The following COL9A2 variants were observed in gnomAD, a reference collection of about 807,000 sequenced individuals.
COL9A2 encodes the protein collagen type IX alpha 2 chain, also known as collagen alpha-2(IX) chain.
COL9A2 carries 66 observed loss-of-function variants against 111.6 expected under a neutral mutation model. That is an observed-to-expected ratio of 0.59 (90% CI 0.48 to 0.73). The LOEUF (loss-of-function observed/expected upper bound fraction) is 0.73. Among genes scored for constraint, COL9A2 ranks in the 30% least tolerant of loss-of-function variants. The pLI is 0.00. For synonymous variants in COL9A2, 353 were observed against 364.1 expected (o/e 0.97, Z 0.35); for missense variants, 881 against 954.1 (o/e 0.92, Z 1.01).
chr1:40,312,080 C>A lies in COL9A2; in HGVS notation c.396G>T (p.Glu132Asp), dbSNP rs1263798538. Reference protein sequence around the residue: ...GPPGPVGLPGEIGIRGPKGDP... With the variant: ...GPPGPVGLPGDIGIRGPKGDP... ...TCACCTTGGGGCCTCGGATTCCAAT[C>A]TCACCAGGGAGGCCAACAGGTCCAG... Residue 132 changes from glutamate (E) to aspartate (D), a missense_variant, in exon 8 of 32, where the codon GAG becomes GAT. Glu to Asp is a conservative substitution (Grantham distance 45). Transcript: ENST00000372748. This position sits in a 1 kb window ranked among gnomAD's most constrained non-coding sequence, Gnocchi z 6.0. 1.9e-6 allele frequency: 3 copies of A among 1,602,346 alleles called. No homozygotes were observed. The highest frequency in any genetic ancestry group is 1.1e-5 in the South Asian group (1 of 87,986).
In COL9A2 at chr1:40,314,256, G is replaced by A. The variant is rs748908933; in HGVS notation, c.198C>T (p.Gly66=). The change falls in exon 4 of 32, where the codon GGC becomes GGT. Residue 66 remains glycine (G), a synonymous_variant. Coordinates refer to ENST00000372748, the MANE Select transcript of COL9A2 (RefSeq NM_001852.4). The surrounding 1 kb of genome is among the most constrained non-coding windows in gnomAD (Gnocchi z 4.1). ...CATCTGGCCCAGCTTTGCCAGGCTCGCCCTTGGGTCCCTTGAAAACAGAGA... is the reference window on the plus strand; with the variant it reads ...CATCTGGCCCAGCTTTGCCAGGCTCACCCTTGGGTCCCTTGAAAACAGAGA... ...PGKAGPPGPK[G]EPGKAGPDGP... 1.5e-5 allele frequency: 24 copies of A among 1,614,066 alleles called. No homozygotes were observed. The highest frequency in any genetic ancestry group is 1.9e-5 in the Non-Finnish European group (23 of 1,180,044).
rs866267074 is a variant in COL9A2 at position 40,303,656 on chromosome 1, G to A, written c.1422C>T (p.Pro474=). 1.9e-6 allele frequency: 3 copies of A among 1,578,900 alleles called. No homozygotes were observed. The highest frequency in any genetic ancestry group is 1.7e-6 in the Non-Finnish European group (2 of 1,163,002). Residue 474 remains proline (P), a synonymous_variant, in exon 28 of 32, where the codon CCC becomes CCT. Transcript: ENST00000372748. This position sits in a 1 kb window ranked among gnomAD's most constrained non-coding sequence, Gnocchi z 4.6. The part of the protein sequence containing the change: ...PKGQQGVRGE[P]GYPGPSGDAG... ...CATCCCCGCTGGGGCCAGGGTAGCC[G>A]GGTTCTCCACGTACTCCTTGCTGCG... is the stretch of plus-strand genomic sequence containing the variant.
Position 40,311,113 on chromosome 1 carries a change from G to A in COL9A2, c.610C>T (p.Pro204Ser). ...HAGKRGILGDPGHQGKPGPKG... is the reference protein window; with the variant it reads ...HAGKRGILGDSGHQGKPGPKG... Reference sequence around the variant, plus strand: ...CTCACCGGCTTCCCCTGGTGGCCAGGATCACCCAGAATCCCGCGTTTGCCC... The same window carrying A: ...CTCACCGGCTTCCCCTGGTGGCCAGAATCACCCAGAATCCCGCGTTTGCCC... The change falls in exon 12 of 32, where the codon CCT becomes TCT. Residue 204 changes from proline (P) to serine (S), a missense_variant. Coordinates refer to ENST00000372748, the MANE Select transcript of COL9A2 (RefSeq NM_001852.4). The surrounding 1 kb of genome is among the most constrained non-coding windows in gnomAD (Gnocchi z 5.1). 1 of 1,614,156 alleles carries A rather than the reference G, an allele frequency of 6.2e-7. No individual in the cohort carries two copies. The highest frequency in any genetic ancestry group is 8.5e-7 in the Non-Finnish European group (1 of 1,180,040).
At chr1:40,308,133 T>C in intron 17 of COL9A2, 59 bp downstream of exon 17, 3 of 1,549,730 alleles carry the variant, frequency 1.9e-6, no homozygotes, top group Non-Finnish European at 2.7e-6. Flanking sequence ...TCTGGGGGTT[T>C]GGACAAAGCA....
Position 40,302,547 on chromosome 1 carries a change from G to T in COL9A2, c.1792+74C>A. On this transcript the variant is annotated intron_variant, in intron 30 of 31. Transcript: ENST00000372748. This position sits in a 1 kb window ranked among gnomAD's most constrained non-coding sequence, Gnocchi z 4.5. Reference sequence around the variant, plus strand: ...AAGGGTCTGTATGTCATCCTGAGAAGGGAATGGGGAAAGGGCCGGCCTGGA... The same window carrying T: ...AAGGGTCTGTATGTCATCCTGAGAATGGAATGGGGAAAGGGCCGGCCTGGA... The T allele has an allele frequency of 6.7e-7, 1 of 1,492,012 alleles. No homozygotes were observed. The highest frequency in any genetic ancestry group is 9.1e-7 in the Non-Finnish European group (1 of 1,102,792). 92.4% of individuals were successfully genotyped at this position (1,492,012 alleles called of 1,614,324 possible). A position where few individuals can be genotyped will look rare whatever the true frequency, so the allele number is the denominator to read the frequency against.
rs1188551303 is a variant in COL9A2 at position 40,311,218 on chromosome 1, A to G, written c.576+12T>C. ...GCACCACCCTCCCAAGATTCAGGCC[A>G]GGAGCTCTCACCTTCACTCCCTGCA... is the stretch of plus-strand genomic sequence containing the variant. On this transcript the variant is annotated intron_variant, in intron 11 of 31. Transcript: ENST00000372748. This position sits in a 1 kb window ranked among gnomAD's most constrained non-coding sequence, Gnocchi z 5.1. 2 of 1,614,178 alleles carry G rather than the reference A, an allele frequency of 1.2e-6. No homozygotes were observed. The highest frequency in any genetic ancestry group is 4.5e-5 in the East Asian group (2 of 44,890).
chr1:40,304,141 T>A (rs367775300), intron 24 of COL9A2, 42 bp from the exon 25 acceptor site: 1 of 1,526,716 alleles, frequency 6.6e-7, no homozygotes, highest in Non-Finnish European at 8.8e-7. Flanking sequence ...AGCTCCCCCC[T>A]CCACGGGGTC....
At position 40,311,778 on chromosome 1, in the gene COL9A2, C is replaced by T. The variant is rs1569751017; in HGVS notation, c.418-63G>A. On this transcript the variant is annotated intron_variant, in intron 8 of 31. Coordinates refer to ENST00000372748, the MANE Select transcript of COL9A2 (RefSeq NM_001852.4). The surrounding 1 kb of genome is among the most constrained non-coding windows in gnomAD (Gnocchi z 5.1). ...GCCCTTACCAGCTTACCCTAGTGCCCTCCTCCAGGTCCTGCCTCTGCCCTC... is the reference window on the plus strand; with the variant it reads ...GCCCTTACCAGCTTACCCTAGTGCCTTCCTCCAGGTCCTGCCTCTGCCCTC... 1.3e-6 allele frequency: 2 copies of T among 1,529,096 alleles called. No individual in the cohort carries two copies. Among genetic ancestry groups the T allele is most frequent in the East Asian group, 2.2e-5 (1 of 44,512 alleles). 94.7% of individuals were successfully genotyped at this position (1,529,096 alleles called of 1,614,324 possible).
At chr1:40,301,971 AATT>A in intron 30 of COL9A2, 82 bp from the exon 31 acceptor site, 1 of 1,369,788 alleles carries the variant, frequency 7.3e-7, no homozygotes, top group Non-Finnish European at 1.0e-6. Flanking sequence ...CACGCAAAGA[AATT>A]ATTCCTGTTT....
intron 4 of COL9A2, among the ~76,000 whole-genome samples, chr1:40,313,841 T>C (rs1644171970): frequency 6.6e-6 from 1 of 151,744 alleles, no homozygotes; most frequent in South Asian, 2.1e-4. Context: ...TGGGTAGGGG[T>C]CAGGGGAAGA....
Position 40,303,479 on chromosome 1 carries a change from C to T in COL9A2, c.1548+51G>A. ...AGCCTTTGGCGGGTAAGCCGCACCCCAGAACAGATCTACCTAGAAGAAGCA... is the reference window on the plus strand; with the variant it reads ...AGCCTTTGGCGGGTAAGCCGCACCCTAGAACAGATCTACCTAGAAGAAGCA... On this transcript the variant is annotated intron_variant, in intron 28 of 31. Coordinates refer to ENST00000372748, the MANE Select transcript of COL9A2 (RefSeq NM_001852.4). The surrounding 1 kb of genome is among the most constrained non-coding windows in gnomAD (Gnocchi z 4.6). 1.9e-6 allele frequency: 3 copies of T among 1,610,230 alleles called. No homozygotes were observed. Among genetic ancestry groups the T allele is most frequent in the South Asian group, 2.2e-5 (2 of 90,802 alleles).
In COL9A2 at chr1:40,301,755, C is replaced by T. The variant is rs936838151; in HGVS notation, c.1870+57G>A. On this transcript the variant is annotated intron_variant, in intron 31 of 31. Coordinates refer to ENST00000372748, the MANE Select transcript of COL9A2 (RefSeq NM_001852.4). ...CATGGAGGAGACCGCAGTGTCCACA[C>T]GTCATTAATTCCCAAGCTGAGGAAC... 233 of 1,535,856 alleles carry T rather than the reference C, an allele frequency of 1.5e-4. 1 individual carries two copies. Among genetic ancestry groups the T allele is most frequent in the Middle Eastern group, 3.4e-4 (2 of 5,924 alleles).
In COL9A2 at chr1:40,303,283, T is replaced by C. The variant is rs972066637; in HGVS notation, c.1549-98A>G. On this transcript the variant is annotated intron_variant, in intron 28 of 31. Transcript: ENST00000372748. This position sits in a 1 kb window ranked among gnomAD's most constrained non-coding sequence, Gnocchi z 4.6. Reference sequence around the variant, plus strand: ...CGTGAGGCCGCCATGGAGGAGACTCTGGTGTTGAGTCATTAATTCCCAAGC... The same window carrying C: ...CGTGAGGCCGCCATGGAGGAGACTCCGGTGTTGAGTCATTAATTCCCAAGC... 2.1e-5 allele frequency: 27 copies of C among 1,276,736 alleles called. No homozygotes were observed. The highest frequency in any genetic ancestry group is 2.8e-5 in the Non-Finnish European group (25 of 899,454). The allele number at this position is 1,276,736 out of a possible 1,614,324, so 79.1% of individuals were successfully genotyped here.
intron 2 of COL9A2, chr1:40,315,310 A>C: frequency 7.9e-7 from 1 of 1,270,480 alleles, no homozygotes; most frequent in East Asian, 3.6e-5. Context: ...AGGAGGGGAA[A>C]GGAGAGGAGG....
Position 40,307,984 on chromosome 1 carries a change from C to G in COL9A2, c.900+208G>C, listed in dbSNP as rs978153730. ...TGGAGGGTGGTGTCCCCGACTGCTG[C>G]AAGCTCCCCATGACCTCCCGTATGT... is the stretch of plus-strand genomic sequence containing the variant. On this transcript the variant is annotated intron_variant, in intron 17 of 31. Transcript: ENST00000372748. The surrounding 1 kb of genome is among the most constrained non-coding windows in gnomAD (Gnocchi z 4.8). Among the ~76,000 whole-genome samples the G allele has an allele frequency of 2.0e-5, 3 of 152,176 alleles. No homozygotes were observed. Among genetic ancestry groups the G allele is most frequent in the African/African-American group, 7.2e-5 (3 of 41,438 alleles).
Position 40,316,730 on chromosome 1 carries a change from A to C in COL9A2, c.75+393T>G. The C allele has an allele frequency of 2.7e-6, 1 of 368,310 alleles. No individual in the cohort carries two copies. 22.8% of individuals were successfully genotyped at this position (368,310 alleles called of 1,614,324 possible). A position where few individuals can be genotyped will look rare whatever the true frequency, so the allele number is the denominator to read the frequency against. On this transcript the variant is annotated intron_variant, in intron 1 of 31. Transcript: ENST00000372748. This position sits in a 1 kb window ranked among gnomAD's most constrained non-coding sequence, Gnocchi z 5.5. ...AGGGCCGAGAGGCCGCCTCGGGGCGACAGCGGCGTCTGGTTGGAGCCGGCG... is the reference window on the plus strand; with the variant it reads ...AGGGCCGAGAGGCCGCCTCGGGGCGCCAGCGGCGTCTGGTTGGAGCCGGCG...
chr1:40,310,441 G>C lies in COL9A2; in HGVS notation c.685-124C>G. ...TAGGCAGCAGAGTCTCTGTCTCATG[G>C]ATGGGACATGGAGGTTCAGAGATGA... On this transcript the variant is annotated intron_variant, in intron 13 of 31. Coordinates refer to ENST00000372748, the MANE Select transcript of COL9A2 (RefSeq NM_001852.4). The surrounding 1 kb of genome is among the most constrained non-coding windows in gnomAD (Gnocchi z 4.9). 3 of 1,005,798 alleles carry C rather than the reference G, an allele frequency of 3.0e-6. No individual in the cohort carries two copies. Among genetic ancestry groups the C allele is most frequent in the Non-Finnish European group, 3.1e-6 (2 of 647,202 alleles). 62.3% of individuals were successfully genotyped at this position (1,005,798 alleles called of 1,614,324 possible).
At chr1:40,305,354 G>A (rs2235988) in intron 21 of COL9A2, among the ~76,000 whole-genome samples, 5,990 of 152,184 alleles carry the variant, frequency 0.039, 274 homozygotes, top group African/African-American at 0.1. Context: ...CGCGCCCGGC[G>A]TGATCATTTA....
At position 40,316,130 on chromosome 1, in the gene COL9A2, C is replaced by G. The variant is rs1468532760; in HGVS notation, c.76-466G>C. 6.1e-6 allele frequency: 1 copy of G among 162,944 alleles called. No individual in the cohort carries two copies. The highest frequency in any genetic ancestry group is 1.3e-5 in the Non-Finnish European group (1 of 74,316). The allele number at this position is 162,944 out of a possible 1,614,324, so 10.1% of individuals were successfully genotyped here. ...GCGGTGGCTCGGGTTGTTGTTCTTA[C>G]GTGAACGACAGGCAGAGACAGCGCC... On this transcript the variant is annotated intron_variant, in intron 1 of 31. Coordinates refer to ENST00000372748, the MANE Select transcript of COL9A2 (RefSeq NM_001852.4). This position sits in a 1 kb window ranked among gnomAD's most constrained non-coding sequence, Gnocchi z 5.5.
Sources: allele counts gnomAD v4.1 joint callset (sites outside exome capture counted in the v4.1 genomes callset), GRCh38; gene constraint gnomAD v4.1.1; non-coding constraint Gnocchi (gnomAD v3.1); transcripts MANE v1.5; gene names NCBI Gene and HGNC (gene_info 2026-07-23, HGNC 2026-07-21).